The following DNAJC13 variants were observed in gnomAD, a reference collection of about 807,000 sequenced individuals.
DNAJC13 encodes the protein dnaJ homolog subfamily C member 13.
Under a neutral mutation model 290.5 loss-of-function variants are expected in DNAJC13, and 75 were observed. That is an observed-to-expected ratio of 0.26 (90% CI 0.21 to 0.31). The LOEUF is 0.31. Ranked by LOEUF, DNAJC13 falls within the 10% of genes least tolerant of loss-of-function variation. DNAJC13 has a pLI of 1.00. For synonymous variants in DNAJC13, 862 were observed against 892.0 expected (o/e 0.97, Z 0.60); for missense variants, 2,260 against 2,674.5 (o/e 0.85, Z 3.42).
chr3:132,509,522 C>CA (rs1387529691), intron 43 of DNAJC13, among the ~76,000 whole-genome samples: 1 of 152,178 alleles, frequency 6.6e-6, no homozygotes, highest in Non-Finnish European at 1.5e-5. Flanking sequence ...GTTGATAAAG[C>CA]AGCAGCAGGG....
At chr3:132,441,748 C>G (rs1325116580) in intron 2 of DNAJC13, among the ~76,000 whole-genome samples, 1 of 152,184 alleles carries the variant, frequency 6.6e-6, no homozygotes, top group Non-Finnish European at 1.5e-5. Flanking sequence ...TCTGTTGACA[C>G]TATTTTACAT....
intron 1 of DNAJC13, among the ~76,000 whole-genome samples, chr3:132,421,976 G>T (rs1447153014): frequency 6.6e-6 from 1 of 151,824 alleles, no homozygotes; most frequent in Non-Finnish European, 1.5e-5. Flanking sequence ...TTATAAATAG[G>T]TTTTTGCCTA....
At position 132,513,033 on chromosome 3, in the gene DNAJC13, C is replaced by T. The variant is rs1007620959; in HGVS notation, c.5319C>T (p.His1773=). 13 of 1,613,114 alleles carry T rather than the reference C, an allele frequency of 8.1e-6. No individual in the cohort carries two copies. Among genetic ancestry groups the T allele is most frequent in the Non-Finnish European group, 1.1e-5 (13 of 1,179,374 alleles). ...NPGSESECIG[H]FKLIFSLLRV... ...GTTCTGAGAGTGAATGCATTGGGCA[C>T]TTTAAGTTGATATTTTCTCTTCTCC... The change falls in exon 45 of 56, where the codon CAC becomes CAT. Residue 1773 remains histidine, a synonymous_variant. Transcript: ENST00000260818.
At chr3:132,487,630 A>G (rs926889763) in intron 29 of DNAJC13, among the ~76,000 whole-genome samples, 3 of 144,122 alleles carry the variant, frequency 2.1e-5, no homozygotes, top group African/African-American at 5.3e-5. Flanking sequence ...CAAGTGTTTT[A>G]TAGAAAATTG....
chr3:132,525,903 G>A, intron 52 of DNAJC13, 114 bp downstream of exon 52: 1 of 1,289,864 alleles, frequency 7.8e-7, no homozygotes, highest in Non-Finnish European at 1.0e-6. Context: ...GTGTCTTTTT[G>A]CATACGAACC....
At chr3:132,516,927 G>A (rs945942745) in intron 48 of DNAJC13, 111 bp downstream of exon 48, 10 of 945,218 alleles carry the variant, frequency 1.1e-5, no homozygotes, top group Non-Finnish European at 1.6e-5. Context: ...AAGGAAATGA[G>A]GTGATGTGAA....
At chr3:132,434,209 C>CAA (rs544393571) in intron 1 of DNAJC13, among the ~76,000 whole-genome samples, 37 of 107,462 alleles carry the variant, frequency 3.4e-4, no homozygotes, top group Admixed American at 6.1e-4. Flanking sequence ...GACTCCATCT[C>CAA]AAAAAAAAAA....
chr3:132,421,214 C>T (rs1430868245), intron 1 of DNAJC13, among the ~76,000 whole-genome samples: 2 of 152,164 alleles, frequency 1.3e-5, no homozygotes, highest in African/African-American at 2.4e-5. Context: ...CTGCATGACT[C>T]AGTTGGGTAC....
intron 21 of DNAJC13, among the ~76,000 whole-genome samples, chr3:132,473,988 T>G (rs908087196): frequency 6.6e-6 from 1 of 152,188 alleles, no homozygotes; most frequent in Non-Finnish European, 1.5e-5. Flanking sequence ...TAAGCATATG[T>G]GAAACCCATT....
chr3:132,519,485 T>C (rs1936018432), intron 48 of DNAJC13, among the ~76,000 whole-genome samples: 1 of 152,204 alleles, frequency 6.6e-6, no homozygotes, highest in Non-Finnish European at 1.5e-5. Context: ...GTAATTGTTA[T>C]GTTTTAGATA....
In DNAJC13 at chr3:132,484,536, A is replaced by T. The variant is rs1184305944; in HGVS notation, c.3183-52A>T. The T allele has an allele frequency of 3.2e-6, 5 of 1,551,896 alleles. No homozygotes were observed. The South Asian group carries it at 5.6e-5, about 17-fold the overall frequency. ...TAGTAGAATGTCGTATGCTCTGAAC[A>T]TACAAATTTTAACAAATATATTAAA... On this transcript the variant is annotated intron_variant, in intron 28 of 55. Transcript: ENST00000260818.
At position 132,466,469 on chromosome 3, in the gene DNAJC13, C is replaced by T. The variant is rs1933989818; in HGVS notation, c.2064+75C>T. 4.1e-6 allele frequency: 5 copies of T among 1,233,992 alleles called. No individual in the cohort carries two copies. In the South Asian group the frequency reaches 9.1e-5, roughly 22 times the overall value. The allele number at this position is 1,233,992 out of a possible 1,614,324, so 76.4% of individuals were successfully genotyped here. A position where few individuals can be genotyped will look rare whatever the true frequency, so the allele number is the denominator to read the frequency against. ...TATATATATGTCTTTTTTTGAAACA[C>T]GTTAAAAATTTTAGAAACAAAGAAT... is the stretch of plus-strand genomic sequence containing the variant. On this transcript the variant is annotated intron_variant, in intron 19 of 55. Transcript: ENST00000260818.
At chr3:132,449,032 C>G (rs941811324) in intron 5 of DNAJC13, among the ~76,000 whole-genome samples, 2 of 152,128 alleles carry the variant, frequency 1.3e-5, no homozygotes, top group African/African-American at 4.8e-5. Context: ...CCATTTAATA[C>G]TTTTCAAAAT....
chr3:132,427,384 G>C (rs960221523), intron 1 of DNAJC13, among the ~76,000 whole-genome samples: 6 of 152,002 alleles, frequency 3.9e-5, no homozygotes, highest in African/African-American at 1.4e-4. Context: ...CGATCTGCCT[G>C]CATTGGCCTC....
intron 44 of DNAJC13, among the ~76,000 whole-genome samples, chr3:132,511,653 A>C (rs1232820040): frequency 6.6e-6 from 1 of 152,144 alleles, no homozygotes; most frequent in Non-Finnish European, 1.5e-5. Flanking sequence ...TGTTTTTCAA[A>C]AATTGCCTGA....
chr3:132,523,775 TCTTAC>T, intron 51 of DNAJC13, 62 bp downstream of exon 51: 2 of 1,485,766 alleles, frequency 1.3e-6, no homozygotes, highest in East Asian at 4.6e-5. Flanking sequence ...ATGGTGTTTC[TCTTAC>T]AACCTTATTC....
At position 132,490,076 on chromosome 3, in the gene DNAJC13, G is replaced by A. The variant is rs539611136; in HGVS notation, c.3469-821G>A. Among the ~76,000 whole-genome samples, 279 of 152,276 alleles carry A rather than the reference G, an allele frequency of 1.8e-3. 1 individual carries two copies. The highest frequency in any genetic ancestry group is 0.01 in the Middle Eastern group (3 of 294). On this transcript the variant is annotated intron_variant, in intron 31 of 55. Coordinates refer to ENST00000260818, the MANE Select transcript of DNAJC13 (RefSeq NM_015268.4). ...ATAATAGTATTGAAGAATACAACTAGCAATTCTTTACCCAAAAGTTTAACA... is the reference window on the plus strand; with the variant it reads ...ATAATAGTATTGAAGAATACAACTAACAATTCTTTACCCAAAAGTTTAACA...
chr3:132,427,310 T>G (rs950799969), intron 1 of DNAJC13, among the ~76,000 whole-genome samples: 19 of 151,914 alleles, frequency 1.3e-4, no homozygotes, highest in Non-Finnish European at 2.1e-4. Flanking sequence ...TAATTTTTTG[T>G]ATTTTTAGTA....
chr3:132,424,195 A>AT (rs1939034689), intron 1 of DNAJC13, among the ~76,000 whole-genome samples: 1 of 152,158 alleles, frequency 6.6e-6, no homozygotes, highest in African/African-American at 2.4e-5. Flanking sequence ...TCAGGTGAGT[A>AT]TTTTAAGGCA....
Sources: gnomAD v4.1 joint callset for allele counts (sites outside exome capture counted in the v4.1 genomes callset) on GRCh38, gnomAD v4.1.1 for gene constraint, MANE v1.5 for transcripts, NCBI Gene and HGNC (gene_info 2026-07-23, HGNC 2026-07-21) for gene names.